Variants in FNTB observed in about 807,000 individuals in gnomAD.
FNTB encodes farnesyltransferase, CAAX box, subunit beta.
Under a neutral mutation model 59.4 loss-of-function variants are expected in FNTB, and 27 were observed. That is an observed-to-expected ratio of 0.45 (90% CI 0.34 to 0.63). The LOEUF (loss-of-function observed/expected upper bound fraction) is 0.63, where lower values mean the gene tolerates loss of function less well. Ranked by LOEUF, FNTB falls within the 20% of genes least tolerant of loss-of-function variation. The pLI, the probability that FNTB is intolerant of heterozygous loss-of-function variation, is 0.02. For synonymous variants in FNTB, 230 were observed against 220.7 expected (o/e 1.04, Z -0.37); for missense variants, 449 against 559.6 (o/e 0.80, Z 1.99).
At chr14:65,013,567 T>C (rs754048892) in intron 3 of FNTB, among the ~76,000 whole-genome samples, 9 of 152,202 alleles carry the variant, frequency 5.9e-5, no homozygotes, top group Non-Finnish European at 1.0e-4. Flanking sequence ...TCATAATTTA[T>C]GAGATGGAGT....
chr14:65,025,966 G>A (rs1021572070), intron 4 of FNTB, among the ~76,000 whole-genome samples: 5 of 152,208 alleles, frequency 3.3e-5, no homozygotes, highest in Admixed American at 6.5e-5. Flanking sequence ...AGGCAGCAGC[G>A]TTTGCTTTTG....
chr14:65,002,164 G>A (rs2061530451), intron 1 of FNTB, among the ~76,000 whole-genome samples: 1 of 151,922 alleles, frequency 6.6e-6, no homozygotes, highest in Non-Finnish European at 1.5e-5. Flanking sequence ...AAAAAAACAT[G>A]TCTCACTACA....
rs140380970 is a variant in FNTB at position 65,008,649 on chromosome 14, G to A, written c.210-3668G>A. Among the ~76,000 whole-genome samples, 1,215 of 152,356 alleles carry A rather than the reference G, an allele frequency of 8.0e-3. 17 individuals are homozygous for A. Among genetic ancestry groups the A allele is most frequent in the African/African-American group, 0.027 (1,125 of 41,578 alleles). On this transcript the variant is annotated intron_variant, in intron 2 of 11. Coordinates refer to ENST00000246166, the MANE Select transcript of FNTB (RefSeq NM_002028.4). ...GGCTAACTTAAAGGATGGGGAGAGT[G>A]TTCCAGGCAGAGGGAACAGCATGTG...
rs1005758408 is a variant in FNTB, at chr14:65,047,355, C to T, written c.955+2912C>T. The stretch of plus-strand genomic sequence containing the variant: ...AGGGTTAGTATGTGGTTGTGTGAAT[C>T]CAGACTAGCTGGCATCTGAACCCTG... On this transcript the variant is annotated intron_variant, in intron 9 of 11. Transcript: ENST00000246166. The surrounding 1 kb of genome is among the most constrained non-coding windows in gnomAD (Gnocchi z 5.2). 6.6e-6 allele frequency among the ~76,000 whole-genome samples: 1 copy of T among 152,224 alleles called. No individual in the cohort carries two copies. Among genetic ancestry groups the T allele is most frequent in the African/African-American group, 2.4e-5 (1 of 41,458 alleles).
chr14:65,022,222 C>T (rs886686852), intron 4 of FNTB: 8 of 369,920 alleles, frequency 2.2e-5, no homozygotes, highest in African/African-American at 1.1e-4. Context: ...TTTACATCCC[C>T]TCCTAAGCCG....
At chr14:65,036,841 C>T (rs1350660308) in intron 7 of FNTB, among the ~76,000 whole-genome samples, 1 of 151,752 alleles carries the variant, frequency 6.6e-6, no homozygotes, top group African/African-American at 2.4e-5. Context: ...TCTCGTCATA[C>T]TGGCCAGGCT....
At chr14:65,061,039 C>A in intron 11 of FNTB, 142 bp from the exon 12 acceptor site, 2 of 1,366,012 alleles carry the variant, frequency 1.5e-6, no homozygotes, top group Non-Finnish European at 2.0e-6. Flanking sequence ...AGCAAATACA[C>A]CATTTTTGAA....
intron 7 of FNTB, among the ~76,000 whole-genome samples, chr14:65,037,845 G>T (rs1313571393): frequency 6.7e-6 from 1 of 150,158 alleles, no homozygotes; most frequent in African/African-American, 2.5e-5. Context: ...CGGTGGTGCA[G>T]ACCAGCTCAC....
At chr14:64,987,209 C>G in intron 1 of FNTB, 112 bp downstream of exon 1, 1 of 1,297,058 alleles carries the variant, frequency 7.7e-7, no homozygotes, top group Non-Finnish European at 1.1e-6. Context: ...ACTCCCACAG[C>G]GCACCGCGGT....
intron 9 of FNTB, among the ~76,000 whole-genome samples, chr14:65,045,043 T>C (rs1043346747): frequency 4.6e-5 from 7 of 152,040 alleles, no homozygotes; most frequent in African/African-American, 1.7e-4. Context: ...ACCATTGGAG[T>C]AGAGAAATCC....
chr14:65,047,369 A>G lies in FNTB; in HGVS notation c.955+2926A>G, dbSNP rs1397217959. ...GTTGTGTGAATCCAGACTAGCTGGC[A>G]TCTGAACCCTGCCCTGCTCATAACC... On this transcript the variant is annotated intron_variant, in intron 9 of 11. Coordinates refer to ENST00000246166, the MANE Select transcript of FNTB (RefSeq NM_002028.4). This position sits in a 1 kb window ranked among gnomAD's most constrained non-coding sequence, Gnocchi z 5.2. 6.6e-6 allele frequency among the ~76,000 whole-genome samples: 1 copy of G among 152,248 alleles called. No individual in the cohort carries two copies. The highest frequency in any genetic ancestry group is 1.5e-5 in the Non-Finnish European group (1 of 68,050).
rs1566555304 is a variant in FNTB, at chr14:65,029,820, AT to A, written c.605+2043del. ...AGTTTAGTGATGTGATCTGATTTGT[AT>A]TTTCTTAGAAGTTTCCCAATTGCAG... On this transcript the variant is annotated intron_variant, in intron 6 of 11. Coordinates refer to ENST00000246166, the MANE Select transcript of FNTB (RefSeq NM_002028.4). The surrounding 1 kb of genome is among the most constrained non-coding windows in gnomAD (Gnocchi z 4.7). Among the ~76,000 whole-genome samples, 1 of 152,070 alleles carries A rather than the reference AT, an allele frequency of 6.6e-6. No individual in the cohort carries two copies. Among genetic ancestry groups the A allele is most frequent in the Non-Finnish European group, 1.5e-5 (1 of 68,016 alleles).
At chr14:65,015,807 T>C (rs1474344345) in intron 4 of FNTB, 91 bp downstream of exon 4, 18 of 1,469,858 alleles carry the variant, frequency 1.2e-5, no homozygotes, top group Non-Finnish European at 1.7e-5. Flanking sequence ...TTGTTTGGAA[T>C]GGAAAAAAAC....
chr14:65,026,996 T>C (rs1222773716), intron 4 of FNTB, among the ~76,000 whole-genome samples: 1 of 152,188 alleles, frequency 6.6e-6, no homozygotes, highest in Non-Finnish European at 1.5e-5. Flanking sequence ...TGATGGATCC[T>C]GACTAGGATG....
chr14:65,004,668 C>CTT (rs146781360), intron 2 of FNTB, among the ~76,000 whole-genome samples: 1 of 146,428 alleles, frequency 6.8e-6, no homozygotes, highest in African/African-American at 2.5e-5. Context: ...CTTTCTTTTT[C>CTT]TTTTTTTTTT....
chr14:65,025,726 G>A (rs538316932), intron 4 of FNTB, among the ~76,000 whole-genome samples: 1 of 152,242 alleles, frequency 6.6e-6, no homozygotes, highest in African/African-American at 2.4e-5. Context: ...GAGGTGGGAG[G>A]ATAGCTTGAG....
At chr14:65,040,321 A>T (rs2062319706) in intron 7 of FNTB, among the ~76,000 whole-genome samples, 1 of 149,922 alleles carries the variant, frequency 6.7e-6, no homozygotes, top group African/African-American at 2.4e-5. Flanking sequence ...ATATATGTAC[A>T]TATATGTATA....
At chr14:65,017,414 G>A (rs970446005) in intron 4 of FNTB, among the ~76,000 whole-genome samples, 2 of 152,118 alleles carry the variant, frequency 1.3e-5, no homozygotes, top group Non-Finnish European at 2.9e-5. Flanking sequence ...GGAGGAGGCC[G>A]CAGACCCATG....
chr14:64,989,685 C>T (rs956328150), intron 1 of FNTB, among the ~76,000 whole-genome samples: 1 of 152,186 alleles, frequency 6.6e-6, no homozygotes, highest in Non-Finnish European at 1.5e-5. Context: ...CTGTTCCATT[C>T]GTTGATTCTC....
Sources: gnomAD v4.1 joint callset for allele counts (sites outside exome capture counted in the v4.1 genomes callset) on GRCh38, gnomAD v4.1.1 for gene constraint, Gnocchi (gnomAD v3.1) non-coding constraint, MANE v1.5 for transcripts, NCBI Gene and HGNC (gene_info 2026-07-23, HGNC 2026-07-21) for gene names.